Variants in TCEA1 observed in about 807,000 individuals in gnomAD.
The protein encoded by TCEA1 is transcription elongation factor A protein 1.
TCEA1 carries 21 observed loss-of-function variants against 43.8 expected under a neutral mutation model. The observed-to-expected ratio is 0.48, with a 90% CI of 0.34 to 0.69. The LOEUF (loss-of-function observed/expected upper bound fraction) is 0.69. Among genes scored for constraint, TCEA1 ranks in the 30% least tolerant of loss-of-function variants. TCEA1 has a pLI of 0.01. For missense variants in TCEA1, 250 were observed against 365.1 expected (o/e 0.68, Z 2.57); for synonymous variants, 104 against 117.5 (o/e 0.88, Z 0.75).
At chr8:53,984,665 C>T (rs1169132028) in intron 6 of TCEA1, 148 bp from the exon 7 acceptor site, 6 of 560,938 alleles carry the variant, frequency 1.1e-5, no homozygotes, top group Admixed American at 3.8e-5. Context: ...TGGTGGATCA[C>T]GAGGTCAGGA....
chr8:54,004,795 G>A (rs200819451), intron 2 of TCEA1, among the ~76,000 whole-genome samples: 1 of 136,856 alleles, frequency 7.3e-6, no homozygotes, highest in African/African-American at 2.7e-5. Context: ...AAAAAAAAAA[G>A]AAACATACAG....
At position 53,992,667 on chromosome 8, in the gene TCEA1, G is replaced by A. The variant is rs1030983072; in HGVS notation, c.320+1001C>T. On this transcript the variant is annotated intron_variant, in intron 4 of 9. Coordinates refer to ENST00000521604, the MANE Select transcript of TCEA1 (RefSeq NM_006756.4). ...ATTCCTGATTCAGTAGTTACAGGAC[G>A]AAGTCTGAGAATCTGTATTTCTAAC... Among the ~76,000 whole-genome samples the A allele has an allele frequency of 2.6e-5, 4 of 152,188 alleles. No individual in the cohort carries two copies. In the South Asian group the frequency reaches 8.3e-4, roughly 31 times the overall value.
chr8:53,981,848 C>T (rs1046149025), intron 7 of TCEA1, among the ~76,000 whole-genome samples: 2 of 151,530 alleles, frequency 1.3e-5, no homozygotes, highest in African/African-American at 4.9e-5. Context: ...CACCTCTTGG[C>T]CTAAAGTGAT....
intron 2 of TCEA1, among the ~76,000 whole-genome samples, chr8:54,003,928 AC>A (rs2129310109): frequency 6.6e-6 from 1 of 152,192 alleles, no homozygotes; most frequent in South Asian, 2.1e-4. Context: ...AAGAACTATT[AC>A]AACTCGATTA....
At chr8:53,997,468 T>C in intron 3 of TCEA1, among the ~76,000 whole-genome samples, 1 of 152,166 alleles carries the variant, frequency 6.6e-6, no homozygotes, top group Admixed American at 6.5e-5. Context: ...ATTCTCAAAA[T>C]TACTATCAAT....
chr8:53,975,109 A>C (rs1217802319), intron 8 of TCEA1, among the ~76,000 whole-genome samples: 1 of 122,216 alleles, frequency 8.2e-6, no homozygotes, highest in Non-Finnish European at 1.7e-5. Context: ...TATAGCACTG[A>C]TTTATTTTAT....
At position 53,984,468 on chromosome 8, in the gene TCEA1, T is replaced by C; in HGVS notation, c.573A>G (p.Val191=). 1 of 1,601,312 alleles carries C rather than the reference T, an allele frequency of 6.2e-7. No individual in the cohort carries two copies. The highest frequency in any genetic ancestry group is 8.5e-7 in the Non-Finnish European group (1 of 1,174,142). Residue 191 remains valine, a synonymous_variant, in exon 7 of 10, where the codon GTA becomes GTG. Transcript: ENST00000521604. ...RNTDMKYKNR[V]RSRISNLKDA... ...CTTTAAGATTTGATATCCTACTTCG[T>C]ACTCTATTTTTGTATTTCATGTCTG...
chr8:53,973,502 T>C (rs1169028104), intron 8 of TCEA1: 1 of 502,910 alleles, frequency 2.0e-6, no homozygotes, highest in Non-Finnish European at 3.8e-6. Context: ...AAGAAAAAAG[T>C]GAACAAAATC....
intron 2 of TCEA1, among the ~76,000 whole-genome samples, chr8:54,008,853 A>T (rs58490031): frequency 0.093 from 13,032 of 140,038 alleles, 966 homozygotes; most frequent in East Asian, 0.43. Flanking sequence ...TTATTTATTT[A>T]TTTTTTTTTT....
At chr8:53,997,899 G>C (rs1221563534) in intron 3 of TCEA1, among the ~76,000 whole-genome samples, 1 of 152,140 alleles carries the variant, frequency 6.6e-6, no homozygotes, top group Non-Finnish European at 1.5e-5. Context: ...TGGGAAAGGG[G>C]GTGGATAGGG....
chr8:53,988,930 G>A (rs867097316), intron 4 of TCEA1, among the ~76,000 whole-genome samples: 4 of 151,970 alleles, frequency 2.6e-5, no homozygotes, highest in Non-Finnish European at 2.9e-5. Flanking sequence ...TTAGCTGGGC[G>A]TGGTGGCACA....
At chr8:53,977,043 G>A (rs1033547784) in intron 8 of TCEA1, among the ~76,000 whole-genome samples, 1 of 152,194 alleles carries the variant, frequency 6.6e-6, no homozygotes, top group Non-Finnish European at 1.5e-5. Context: ...ACAAAGGCTG[G>A]GCGTGGTGGC....
intron 1 of TCEA1, 75 bp downstream of exon 1, chr8:54,021,988 G>A (rs1454090059): frequency 2.2e-6 from 3 of 1,356,206 alleles, no homozygotes; most frequent in Non-Finnish European, 1.9e-6. Context: ...GAGGGAGAAG[G>A]AGGGAGGGGG....
rs5891511 is a variant in TCEA1 at position 54,013,680 on chromosome 8, CAAAAAAAAAAAA to C, written c.64-3200_64-3189del. Among the ~76,000 whole-genome samples, 17 of 65,306 alleles carry C rather than the reference CAAAAAAAAAAAA, an allele frequency of 2.6e-4. No homozygotes were observed. In the Admixed American group the frequency reaches 3.2e-3, roughly 12 times the overall value. 42.8% of individuals were successfully genotyped at this position (65,306 alleles called of 152,430 possible). On this transcript the variant is annotated intron_variant, in intron 1 of 9. Transcript: ENST00000521604. ...TGGACGATAGAGCAAAACTCCATCT[CAAAAAAAAAAAA>C]AAAAAAAAAACAAAAAACAGACAAA...
In TCEA1 at chr8:53,988,253, G is replaced by A. The variant is rs1803757739; in HGVS notation, c.327C>T (p.Ser109=). The part of the protein sequence containing the change: ...NSPEAREEST[S]SGNVSNRKDE... Reference sequence around the variant, plus strand: ...CCTTTCTGTTGCTTACATTGCCGCTGGAAGTACTGAAATACGCACAAACAC... The same window carrying A: ...CCTTTCTGTTGCTTACATTGCCGCTAGAAGTACTGAAATACGCACAAACAC... Residue 109 remains serine, a synonymous_variant, in exon 5 of 10, where the codon TCC becomes TCT. Coordinates refer to ENST00000521604, the MANE Select transcript of TCEA1 (RefSeq NM_006756.4). 1 of 1,612,490 alleles carries A rather than the reference G, an allele frequency of 6.2e-7. No individual in the cohort carries two copies. The highest frequency in any genetic ancestry group is 1.7e-5 in the Admixed American group (1 of 59,932).
chr8:54,011,152 A>C (rs1314988657), intron 1 of TCEA1, among the ~76,000 whole-genome samples: 1 of 152,232 alleles, frequency 6.6e-6, no homozygotes, highest in African/African-American at 2.4e-5. Context: ...TTTAGAGTTG[A>C]AGTTTTTACC....
At chr8:54,004,542 T>C (rs1436704933) in intron 2 of TCEA1, among the ~76,000 whole-genome samples, 1 of 152,224 alleles carries the variant, frequency 6.6e-6, no homozygotes, top group African/African-American at 2.4e-5. Context: ...AGATACTGTA[T>C]GATTCCATTT....
chr8:54,006,623 A>T (rs1804471536), intron 2 of TCEA1, among the ~76,000 whole-genome samples: 1 of 152,230 alleles, frequency 6.6e-6, no homozygotes, highest in South Asian at 2.1e-4. Context: ...TGCCTGTTAA[A>T]TAAATAATGG....
intron 1 of TCEA1, among the ~76,000 whole-genome samples, chr8:54,017,724 C>G (rs1804880171): frequency 6.6e-6 from 1 of 152,196 alleles, no homozygotes; most frequent in Non-Finnish European, 1.5e-5. Flanking sequence ...ATGTGGAGAC[C>G]AGCCTGAGAA....
Sources: allele counts gnomAD v4.1 joint callset (sites outside exome capture counted in the v4.1 genomes callset), GRCh38; gene constraint gnomAD v4.1.1; transcripts MANE v1.5; gene names NCBI Gene and HGNC (gene_info 2026-07-23, HGNC 2026-07-21).